ZBTB17: variants seen among roughly 807,000 people sequenced by gnomAD.
ZBTB17 encodes zinc finger and BTB domain-containing protein 17.
A neutral mutation model predicts 85.1 loss-of-function variants in ZBTB17; 24 were observed. That is an observed-to-expected ratio of 0.28 (90% CI 0.20 to 0.40). The LOEUF (loss-of-function observed/expected upper bound fraction) is 0.40. Ranked by LOEUF, ZBTB17 falls within the 10% of genes least tolerant of loss-of-function variation. The probability of loss-of-function intolerance (pLI) is 1.00; values close to 1 mark genes in which losing one functional copy is unlikely to be tolerated. For synonymous variants in ZBTB17, 464 were observed against 460.2 expected (o/e 1.01, Z -0.11); for missense variants, 743 against 1,105.1 (o/e 0.67, Z 4.65).
chr1:15,947,771 A>G (rs1422530498), intron 3 of ZBTB17, among the ~76,000 whole-genome samples: 1 of 152,166 alleles, frequency 6.6e-6, no homozygotes, highest in Non-Finnish European at 1.5e-5. Context: ...TTTGGGTCTC[A>G]GTTTCCACAT....
rs12137628 is a variant in ZBTB17 at position 15,952,454 on chromosome 1, C to A, written c.-2-3957G>T. On this transcript the variant is annotated intron_variant, in intron 2 of 15. Transcript: ENST00000375743. The surrounding 1 kb of genome is among the most constrained non-coding windows in gnomAD (Gnocchi z 4.3). The stretch of plus-strand genomic sequence containing the variant: ...GGCAGAACCGACACGGCGGAACGGA[C>A]GCGGATGATGCAGAGCCCCTCTCAG... Among the ~76,000 whole-genome samples the A allele has an allele frequency of 0.15, 22,364 of 152,266 alleles. 2,618 individuals carry two copies. Among genetic ancestry groups the A allele is most frequent in the African/African-American group, 0.32 (13,417 of 41,528 alleles).
In ZBTB17 at chr1:15,948,313, G is replaced by C. The variant is rs772068068; in HGVS notation, c.183C>G (p.His61Gln). 3.1e-6 allele frequency: 5 copies of C among 1,613,784 alleles called. No homozygotes were observed. The African/African-American group carries it at 4.0e-5, about 13-fold the overall frequency. The stretch of plus-strand genomic sequence containing the variant: ...TACCTGCCGCGTTACTGATGTCCAG[G>C]TGCACCACGTCCTTCTGGTCCACGA... ...MLFVDQKDVV[H>Q]LDISNAAGLG... The change falls in exon 3 of 16, where the codon CAC (histidine) becomes CAG (glutamine). Residue 61 changes from histidine (H) to glutamine (Q), a missense_variant. This residue lies in a region of ZBTB17 where 74 missense variants were observed against 142.6 expected (regional missense o/e 0.52). Coordinates refer to ENST00000375743, the MANE Select transcript of ZBTB17 (RefSeq NM_003443.3).
chr1:15,947,229 G>T, intron 3 of ZBTB17, 106 bp from the exon 4 acceptor site: 1 of 1,216,664 alleles, frequency 8.2e-7, no homozygotes, highest in Non-Finnish European at 1.1e-6. Context: ...AGGAACAGCT[G>T]AGTGGCAAGC....
rs546970463 is a variant in ZBTB17 at position 15,942,408 on chromosome 1, C to T, written c.2051G>A (p.Gly684Glu). The T allele has an allele frequency of 6.2e-7, 1 of 1,613,364 alleles. No homozygotes were observed. Among genetic ancestry groups the T allele is most frequent in the Admixed American group, 1.7e-5 (1 of 60,014 alleles). Reference sequence around the variant, plus strand: ...CGTCTCATCGGCTGTCACTGCAGCTCCCACCGGCACCACTGCGGGCAGAGT... The same window carrying T: ...CGTCTCATCGGCTGTCACTGCAGCTTCCACCGGCACCACTGCGGGCAGAGT... ...AVTQLTVVPV[G>E]AAVTADETEV... The change falls in exon 15 of 16, where the codon GGA (glycine) becomes GAA (glutamate). Residue 684 changes from glycine (G) to glutamate (E), a missense_variant. Physicochemically the swap from Gly to Glu is moderately conservative, Grantham distance 98. Transcript: ENST00000375743.
chr1:15,942,955 C>A, intron 13 of ZBTB17, 109 bp downstream of exon 13: 1 of 1,504,366 alleles, frequency 6.6e-7, no homozygotes, highest in Non-Finnish European at 9.0e-7. Flanking sequence ...CCACCTGCAG[C>A]AAGAGCTAGC....
In ZBTB17 at chr1:15,948,463, C is replaced by T; in HGVS notation, c.33G>A (p.Leu11=). 1 of 1,614,000 alleles carries T rather than the reference C, an allele frequency of 6.2e-7. No homozygotes were observed. The highest frequency in any genetic ancestry group is 8.5e-7 in the Non-Finnish European group (1 of 1,180,018). MDFPQHSQHV[L]EQLNQQRQLG... The stretch of plus-strand genomic sequence containing the variant: ...GCTGCCGCTGCTGGTTCAGCTGTTC[C>T]AAGACATGCTGGCTGTGCTGGGGAA... The change falls in exon 3 of 16, where the codon TTG becomes TTA. Residue 11 remains leucine, a synonymous_variant. Transcript: ENST00000375743.
chr1:15,944,306 G>A lies in ZBTB17; in HGVS notation c.1365C>T (p.Phe455=), dbSNP rs1373601065. Residue 455 remains phenylalanine, a synonymous_variant, in exon 9 of 16, where the codon TTC becomes TTT. Transcript: ENST00000375743. ...EHKCPHCDKK[F]NQVGNLKAHL... ...CCGGGAGGGGTCCGCACACCTGGTT[G>A]AACTTCTTGTCGCAGTGTGGGCACT... 6.4e-7 allele frequency: 1 copy of A among 1,551,972 alleles called. No homozygotes were observed. Among genetic ancestry groups the A allele is most frequent in the East Asian group, 2.4e-5 (1 of 40,940 alleles).
intron 10 of ZBTB17, 28 bp downstream of exon 10, chr1:15,943,780 A>AG: frequency 6.2e-7 from 1 of 1,612,160 alleles, no homozygotes; most frequent in Non-Finnish European, 8.5e-7. Flanking sequence ...CAGGGGTGTG[A>AG]GGGCAGCCAG....
At chr1:15,960,059 GC>G (rs2072200957) in intron 2 of ZBTB17, among the ~76,000 whole-genome samples, 1 of 152,228 alleles carries the variant, frequency 6.6e-6, no homozygotes, top group South Asian at 2.1e-4. Flanking sequence ...AACAGAGGAA[GC>G]CCCCTGACAC....
intron 8 of ZBTB17, 45 bp downstream of exon 8, chr1:15,944,652 C>T (rs1212634366): frequency 6.2e-7 from 1 of 1,601,940 alleles, no homozygotes; most frequent in South Asian, 1.1e-5. Context: ...CGTGAAAGGC[C>T]GGGCCTGGCA....
In ZBTB17 at chr1:15,943,086, G is replaced by A; in HGVS notation, c.1806C>T (p.Ser602=). ...CACCAGTGTGAATGATGATGTGCTT[G>A]GACAGGTCCCCCACGTTCACGAAGG... ...SKAFVNVGDL[S]KHIIIHTGEK... The change falls in exon 13 of 16, where the codon TCC becomes TCT. Residue 602 remains serine (S), a synonymous_variant. Transcript: ENST00000375743. 4.3e-6 allele frequency: 7 copies of A among 1,614,130 alleles called. No individual in the cohort carries two copies. Among genetic ancestry groups the A allele is most frequent in the Non-Finnish European group, 5.9e-6 (7 of 1,179,996 alleles).
In ZBTB17 at chr1:15,942,585, T is replaced by C; in HGVS notation, c.1982A>G (p.Asp661Gly). 6.2e-7 allele frequency: 1 copy of C among 1,612,958 alleles called. No individual in the cohort carries two copies. Among genetic ancestry groups the C allele is most frequent in the Non-Finnish European group, 8.5e-7 (1 of 1,180,044 alleles). The change falls in exon 14 of 16, where the codon GAC becomes GGC. Residue 661 changes from aspartate (D) to glycine (G), a missense_variant. Asp to Gly is a moderately conservative substitution (Grantham distance 94, BLOSUM62 -1). Transcript: ENST00000375743. ...TGCCTCGGTAGCCAGCGTGACCATG[T>C]CATCCACAGTGACCACGCTGACCTC... is the stretch of plus-strand genomic sequence containing the variant. The part of the protein sequence containing the change: ...GSEVSVVTVD[D>G]MVTLATEALA...
chr1:15,975,923 C>T (rs978176412), intron 1 of ZBTB17, 60 bp downstream of exon 1: 2 of 694,908 alleles, frequency 2.9e-6, no homozygotes, highest in Non-Finnish European at 5.2e-6. Flanking sequence ...GCCCCATCCT[C>T]CGCCGCCTCC....
chr1:15,956,216 C>T (rs185008979), intron 2 of ZBTB17, among the ~76,000 whole-genome samples: 8 of 152,368 alleles, frequency 5.3e-5, no homozygotes, highest in Admixed American at 1.3e-4. Context: ...ATGGCACTGA[C>T]ACCACCTTAA....
intron 2 of ZBTB17, among the ~76,000 whole-genome samples, chr1:15,958,307 C>G (rs1219131917): frequency 6.6e-6 from 1 of 151,918 alleles, no homozygotes; most frequent in African/African-American, 2.4e-5. Context: ...AGTGACCTCC[C>G]TGCACCAGGG....
rs943526670 is a variant in ZBTB17 at position 15,964,623 on chromosome 1, G to A, written c.-3+8416C>T. On this transcript the variant is annotated intron_variant, in intron 2 of 15. Transcript: ENST00000375743. The surrounding 1 kb of genome is among the most constrained non-coding windows in gnomAD (Gnocchi z 4.3). Reference sequence around the variant, plus strand: ...TCTCAGCTACTTGGGAGGCTGAGGCGGAAGGATAGCTTAAGCCTGGGAGGT... The same window carrying A: ...TCTCAGCTACTTGGGAGGCTGAGGCAGAAGGATAGCTTAAGCCTGGGAGGT... 1.1e-4 allele frequency among the ~76,000 whole-genome samples: 16 copies of A among 152,036 alleles called. No homozygotes were observed. The highest frequency in any genetic ancestry group is 3.1e-4 in the African/African-American group (13 of 41,380).
chr1:15,963,760 T>C (rs2072340533), intron 2 of ZBTB17, among the ~76,000 whole-genome samples: 1 of 151,976 alleles, frequency 6.6e-6, no homozygotes, highest in Non-Finnish European at 1.5e-5. Flanking sequence ...ATGAAAGTAG[T>C]ATATATATAA....
intron 5 of ZBTB17, 43 bp from the exon 6 acceptor site, chr1:15,945,883 C>A (rs200434591): frequency 8.3e-6 from 13 of 1,570,134 alleles, no homozygotes; most frequent in Non-Finnish European, 1.1e-5. Context: ...TACCCTCTGC[C>A]CAGGGGTCGG....
In ZBTB17 at chr1:15,942,206, C is replaced by T; in HGVS notation, c.2175G>A (p.Lys725=). ...GAGCCAGGCTGTTGGCATCCAGAAA[C>T]TTGTCCCCACAGGAGTCACAGGCGT... ...ILYACDSCGD[K]FLDANSLAQH... Residue 725 remains lysine, a synonymous_variant, in exon 16 of 16, where the codon AAG becomes AAA. Coordinates refer to ENST00000375743, the MANE Select transcript of ZBTB17 (RefSeq NM_003443.3). The T allele has an allele frequency of 6.2e-7, 1 of 1,613,888 alleles. No homozygotes were observed. The highest frequency in any genetic ancestry group is 8.5e-7 in the Non-Finnish European group (1 of 1,180,044).
Sources: allele counts gnomAD v4.1 joint callset (sites outside exome capture counted in the v4.1 genomes callset), GRCh38; gene constraint gnomAD v4.1.1; regional missense constraint gnomAD v4.1.1; non-coding constraint Gnocchi (gnomAD v3.1); transcripts MANE v1.5; gene names NCBI Gene and HGNC (gene_info 2026-07-23, HGNC 2026-07-21).